VPS13C: variants seen among roughly 807,000 people sequenced by gnomAD.
The protein encoded by VPS13C is intermembrane lipid transfer protein VPS13C.
VPS13C carries 358 observed loss-of-function variants against 456.8 expected under a neutral mutation model. That is an observed-to-expected ratio of 0.78 (90% CI 0.72 to 0.86). The LOEUF is 0.86. Ranked by LOEUF, VPS13C falls within the 40% of genes least tolerant of loss-of-function variation. The pLI is 0.00. For synonymous variants in VPS13C, 1,578 were observed against 1,486.7 expected, an observed-to-expected ratio of 1.06 and a Z score of -1.41; for missense variants, 4,818 against 4,385.4, an observed-to-expected ratio of 1.10 and a Z score of -2.79.
chr15:61,913,943 T>A (rs1035709217), intron 61 of VPS13C, among the ~76,000 whole-genome samples: 1 of 152,070 alleles, frequency 6.6e-6, no homozygotes, highest in African/African-American at 2.4e-5. Context: ...CAAGACTCAA[T>A]GGGATAAGAA....
At chr15:61,994,267 T>G (rs2046309770) in intron 16 of VPS13C, among the ~76,000 whole-genome samples, 1 of 152,242 alleles carries the variant, frequency 6.6e-6, no homozygotes. Context: ...TTCTTCACTT[T>G]TTAAGCAACT....
intron 59 of VPS13C, 24 bp from the exon 60 acceptor site, chr15:61,917,659 A>G: frequency 6.3e-7 from 1 of 1,597,194 alleles, no homozygotes; most frequent in Non-Finnish European, 8.5e-7. Context: ...AAACAGTGAC[A>G]ATAAAGTTTT....
chr15:61,912,265 G>C (rs933958300), intron 62 of VPS13C, among the ~76,000 whole-genome samples: 2 of 152,066 alleles, frequency 1.3e-5, no homozygotes, highest in Non-Finnish European at 2.9e-5. Context: ...AATACGTCTA[G>C]CATTCTTTAC....
chr15:61,876,471 T>A (rs1237609630), intron 75 of VPS13C, among the ~76,000 whole-genome samples: 3 of 151,916 alleles, frequency 2.0e-5, no homozygotes, highest in African/African-American at 7.2e-5. Flanking sequence ...ACAATCATAA[T>A]GTCTGTATAT....
chr15:61,894,253 A>G (rs1213445197), intron 66 of VPS13C, among the ~76,000 whole-genome samples: 1 of 152,048 alleles, frequency 6.6e-6, no homozygotes, highest in Non-Finnish European at 1.5e-5. Flanking sequence ...GGTTGCAGTG[A>G]GACGAGATTG....
intron 6 of VPS13C, 133 bp downstream of exon 6, chr15:62,028,225 G>T: frequency 1.2e-6 from 1 of 817,344 alleles, no homozygotes; most frequent in Non-Finnish European, 2.0e-6. Flanking sequence ...AATGATGGTA[G>T]AGGGGGAAAA....
intron 49 of VPS13C, among the ~76,000 whole-genome samples, chr15:61,932,629 G>A (rs1184812086): frequency 2.0e-5 from 3 of 152,000 alleles, no homozygotes; most frequent in Non-Finnish European, 2.9e-5. Flanking sequence ...TAGGGGTGCT[G>A]GGTATGTGCA....
intron 39 of VPS13C, 116 bp downstream of exon 39, chr15:61,951,708 G>C: frequency 8.7e-7 from 1 of 1,143,734 alleles, no homozygotes; most frequent in Non-Finnish European, 1.2e-6. Context: ...GAAAAGTTGA[G>C]TTAATGTACT....
chr15:61,880,640 A>G lies in VPS13C; in HGVS notation c.9971T>C (p.Phe3324Ser), dbSNP rs1387033505. ...AGGAGAAATATGGAAATGTTCAAAG[A>G]AACTAAGAATTGACATATCAGTCAT... ...TSMTDMSILS[F>S]FEHFHISPVK... The change falls in exon 73 of 85, where the codon TTC becomes TCC. Residue 3324 changes from phenylalanine (F) to serine (S), a missense_variant. Coordinates refer to ENST00000644861, the MANE Select transcript of VPS13C (RefSeq NM_020821.3). 6.3e-7 allele frequency: 1 copy of G among 1,592,770 alleles called. No homozygotes were observed. The highest frequency in any genetic ancestry group is 1.4e-5 in the African/African-American group (1 of 73,652).
In VPS13C at chr15:61,936,652, C is replaced by G. The variant is rs1317561847; in HGVS notation, c.5700G>C (p.Gln1900His). The G allele has an allele frequency of 6.2e-7, 1 of 1,611,198 alleles. No individual in the cohort carries two copies. The change falls in exon 48 of 85, where the codon CAG (glutamine) becomes CAC (histidine). Residue 1900 changes from glutamine (Q) to histidine (H), a missense_variant. Physicochemically the swap from Gln to His is conservative, Grantham distance 24. Coordinates refer to ENST00000644861, the MANE Select transcript of VPS13C (RefSeq NM_020821.3). ...CAACTTTTCTCACTCTTACAGTCTC[C>G]TGCACAGACTGTGTAGGGCTTGGTT... ...SSQPSPTQSVQETVRVRKVDV... is the reference protein window; with the variant it reads ...SSQPSPTQSVHETVRVRKVDV...
chr15:61,906,220 A>G (rs1297158725), intron 66 of VPS13C, among the ~76,000 whole-genome samples: 2 of 152,164 alleles, frequency 1.3e-5, no homozygotes, highest in African/African-American at 4.8e-5. Flanking sequence ...TCTTTGATCA[A>G]CTGAGTGGAC....
chr15:61,969,069 T>G (rs1021883664), intron 28 of VPS13C, among the ~76,000 whole-genome samples: 3 of 152,128 alleles, frequency 2.0e-5, no homozygotes, highest in Non-Finnish European at 2.9e-5. Context: ...AATTAGTAAA[T>G]TATATTAATA....
chr15:61,940,210 T>C (rs2140253555), intron 47 of VPS13C, among the ~76,000 whole-genome samples: 1 of 152,300 alleles, frequency 6.6e-6, no homozygotes, highest in South Asian at 2.1e-4. Flanking sequence ...CTAAGGTGCT[T>C]TGAATGTAGT....
At chr15:61,993,673 A>G (rs2046292519) in intron 16 of VPS13C, among the ~76,000 whole-genome samples, 1 of 152,180 alleles carries the variant, frequency 6.6e-6, no homozygotes. Context: ...CAAAAATACT[A>G]ATTTCAAACA....
At chr15:61,946,173 C>G (rs17303989) in intron 44 of VPS13C, 134 bp downstream of exon 44, 17,507 of 730,348 alleles carry the variant, frequency 0.024, 294 homozygotes, top group East Asian at 0.079. Context: ...AGACTATTAC[C>G]GTTTTCATCT....
At chr15:62,039,608 G>A (rs561820546) in intron 3 of VPS13C, among the ~76,000 whole-genome samples, 3 of 152,184 alleles carry the variant, frequency 2.0e-5, no homozygotes, top group African/African-American at 7.2e-5. Context: ...ATATGAAAAG[G>A]TGCTCAACAT....
rs754771214 is a variant in VPS13C, at chr15:61,922,490, T to C, written c.6882A>G (p.Arg2294=). 1 of 1,613,976 alleles carries C rather than the reference T, an allele frequency of 6.2e-7. No homozygotes were observed. The highest frequency in any genetic ancestry group is 8.5e-7 in the Non-Finnish European group (1 of 1,179,970). The change falls in exon 54 of 85, where the codon CGA becomes CGG. Residue 2294 remains arginine, a synonymous_variant. Coordinates refer to ENST00000644861, the MANE Select transcript of VPS13C (RefSeq NM_020821.3). ...ACTCTGCCAATAATAAAGGTACAGT[T>C]CGATGTCCAAGGCCACATTCTAAGG... ...QVTLECGLGH[R]TVPLLLAESK...
At chr15:61,877,484 G>A (rs1359348834) in intron 74 of VPS13C, among the ~76,000 whole-genome samples, 1 of 96,618 alleles carries the variant, frequency 1.0e-5, no homozygotes, top group Non-Finnish European at 2.7e-5. Context: ...CCATGTGGCA[G>A]TGTCGTAACA....
At chr15:61,864,617 A>G (rs1307293910) in intron 81 of VPS13C, 1 of 984,744 alleles carries the variant, frequency 1.0e-6, no homozygotes, top group Non-Finnish European at 1.2e-6. Flanking sequence ...GCTTAAATAT[A>G]CATTTTTTAA....
Sources: allele counts gnomAD v4.1 joint callset (sites outside exome capture counted in the v4.1 genomes callset), GRCh38; gene constraint gnomAD v4.1.1; transcripts MANE v1.5; gene names NCBI Gene and HGNC (gene_info 2026-07-23, HGNC 2026-07-21).